The following CLVS1 variants were observed in gnomAD, a reference collection of about 807,000 sequenced individuals.
CLVS1 encodes clavesin-1.
In CLVS1, 10 loss-of-function variants were observed where a neutral mutation model predicts 33.1. The ratio of observed to expected loss-of-function variants is 0.30; its 90% confidence interval spans 0.19 to 0.51. The LOEUF (loss-of-function observed/expected upper bound fraction) is 0.51, where lower values mean the gene tolerates loss of function less well. Among genes scored for constraint, CLVS1 ranks in the 20% least tolerant of loss-of-function variants. The pLI is 0.97. For synonymous variants in CLVS1, 163 were observed against 166.1 expected, an observed-to-expected ratio of 0.98 and a Z score of 0.14; for missense variants, 343 against 433.4, an observed-to-expected ratio of 0.79 and a Z score of 1.85.
At chr8:61,369,671 G>T (rs1007388163) in intron 2 of CLVS1, among the ~76,000 whole-genome samples, 14 of 152,326 alleles carry the variant, frequency 9.2e-5, no homozygotes, top group African/African-American at 3.4e-4. Flanking sequence ...TTTGGATAGT[G>T]CTAGCGATAA....
At chr8:61,377,621 T>C (rs1813700839) in intron 3 of CLVS1, 1 of 152,218 alleles carries the variant, frequency 6.6e-6, no homozygotes, top group African/African-American at 2.4e-5. Flanking sequence ...TCATTACTCA[T>C]GCTCTTCAAA....
intron 2 of CLVS1, 55 bp from the exon 3 acceptor site, chr8:61,376,550 C>T (rs1813652597): frequency 1.3e-6 from 2 of 1,549,776 alleles, no homozygotes; most frequent in Non-Finnish European, 1.8e-6. Flanking sequence ...TTGCACGCAA[C>T]ATGCTATCAC....
rs78578666 is a variant in CLVS1 at position 61,374,565 on chromosome 8, T to C, written c.456-2040T>C. Among the ~76,000 whole-genome samples, 879 of 152,320 alleles carry C rather than the reference T, an allele frequency of 5.8e-3. 9 individuals carry two copies. Among genetic ancestry groups the C allele is most frequent in the African/African-American group, 0.021 (860 of 41,578 alleles). ...TATCTCTGAAAAAGACTTGGGTCTT[T>C]GGATAATTGTTTTGATGTGAAAGGA... On this transcript the variant is annotated intron_variant, in intron 2 of 5. Transcript: ENST00000325897.
intron 3 of CLVS1, among the ~76,000 whole-genome samples, chr8:61,395,917 A>T (rs746654298): frequency 3.9e-5 from 6 of 152,276 alleles, no homozygotes; most frequent in South Asian, 2.1e-4. Flanking sequence ...GTGCTTTAAG[A>T]CTATTTTCTC....
chr8:61,360,113 T>C (rs1489915932), intron 2 of CLVS1, among the ~76,000 whole-genome samples: 1 of 152,136 alleles, frequency 6.6e-6, no homozygotes, highest in Non-Finnish European at 1.5e-5. Context: ...ACTCTGTGCA[T>C]TGAGATCTGG....
At chr8:61,004,380 G>A in the CLVS1 span, among the ~76,000 whole-genome samples, 1 of 152,176 alleles carries the variant, frequency 6.6e-6, no homozygotes, top group South Asian at 2.1e-4. Flanking sequence ...AGGAATGCAG[G>A]CAGCCAGGTG....
At chr8:61,326,568 G>A (rs780718871) in intron 2 of CLVS1, among the ~76,000 whole-genome samples, 1 of 152,170 alleles carries the variant, frequency 6.6e-6, no homozygotes, top group African/African-American at 2.4e-5. Context: ...AGCCTGGTTT[G>A]AAGAGGTGCA....
the CLVS1 span, among the ~76,000 whole-genome samples, chr8:61,004,374 A>G: frequency 6.6e-6 from 1 of 152,228 alleles, no homozygotes; most frequent in Non-Finnish European, 1.5e-5. Flanking sequence ...CCTCAAAGGA[A>G]TGCAGGCAGC....
intron 2 of CLVS1, among the ~76,000 whole-genome samples, chr8:61,226,980 G>GTTTTTTTTTTTTTTTTTTTTTTTTTT (rs55718731): frequency 9.1e-5 from 12 of 132,310 alleles, no homozygotes; most frequent in Non-Finnish European, 9.5e-5. Context: ...ACGAAAACAT[G>GTTTTTTTTTTTTTTTTTTTTTTTTTT]TTTTTTTTTT....
At chr8:61,373,408 C>T (rs1813517957) in intron 2 of CLVS1, among the ~76,000 whole-genome samples, 3 of 152,198 alleles carry the variant, frequency 2.0e-5, no homozygotes, top group Non-Finnish European at 2.9e-5. Context: ...AGGAACATAA[C>T]ATTTCCTTCA....
the CLVS1 span, among the ~76,000 whole-genome samples, chr8:61,023,535 TA>T: frequency 6.6e-6 from 1 of 152,264 alleles, no homozygotes; most frequent in African/African-American, 2.4e-5. Context: ...TTCGGGGCTT[TA>T]AAAATTCATC....
chr8:61,058,405 T>C (rs1174079317), intron 1 of CLVS1, among the ~76,000 whole-genome samples: 2 of 152,192 alleles, frequency 1.3e-5, no homozygotes, highest in Non-Finnish European at 2.9e-5. Context: ...GGTCTCTCTT[T>C]TTCTGGTCCA....
intron 2 of CLVS1, chr8:61,203,243 A>G: frequency 9.7e-7 from 1 of 1,028,864 alleles, no homozygotes; most frequent in South Asian, 1.3e-5. Context: ...TAGTTTAAAC[A>G]ATTTGTTAAA....
At chr8:61,342,529 AGTG>A (rs1812063394) in intron 2 of CLVS1, among the ~76,000 whole-genome samples, 2 of 152,276 alleles carry the variant, frequency 1.3e-5, no homozygotes, top group South Asian at 4.1e-4. Context: ...TTGATCTCCC[AGTG>A]GTGAGCTTGA....
At chr8:61,052,316 G>A (rs1302785662), upstream of CLVS1, among the ~76,000 whole-genome samples, 5 of 152,098 alleles carry the variant, frequency 3.3e-5, no homozygotes, top group African/African-American at 7.2e-5. Flanking sequence ...TAAGTAAAAC[G>A]ATGTTTAAAA....
intron 1 of CLVS1, among the ~76,000 whole-genome samples, chr8:61,295,245 C>A (rs950590588): frequency 6.6e-6 from 1 of 152,208 alleles, no homozygotes; most frequent in Non-Finnish European, 1.5e-5. Context: ...TCTGCCTAAA[C>A]TGGCCTGTTT....
intron 3 of CLVS1, among the ~76,000 whole-genome samples, chr8:61,392,173 A>G (rs1291978180): frequency 6.6e-6 from 1 of 152,108 alleles, no homozygotes; most frequent in Non-Finnish European, 1.5e-5. Flanking sequence ...TACACAAAAA[A>G]TTTTAAAAAT....
chr8:61,122,462 C>A (rs932542793), intron 1 of CLVS1, among the ~76,000 whole-genome samples: 2 of 152,018 alleles, frequency 1.3e-5, no homozygotes, highest in Admixed American at 1.3e-4. Context: ...TTCTGGTGAC[C>A]TACTGGCAAG....
chr8:61,215,525 G>GT, intron 2 of CLVS1, among the ~76,000 whole-genome samples: 1 of 84,328 alleles, frequency 1.2e-5, no homozygotes, highest in East Asian at 3.1e-3. Context: ...TTTAACGGAT[G>GT]TCTTTTTTTT....
Sources: gnomAD v4.1 joint callset for allele counts (sites outside exome capture counted in the v4.1 genomes callset) on GRCh38, gnomAD v4.1.1 for gene constraint, MANE v1.5 for transcripts, NCBI Gene and HGNC (gene_info 2026-07-23, HGNC 2026-07-21) for gene names.